ARFGEF3: variants seen among roughly 807,000 people sequenced by gnomAD.
ARFGEF3 encodes ARFGEF family member 3.
Under a neutral mutation model 221.7 loss-of-function variants are expected in ARFGEF3, and 96 were observed. The observed-to-expected ratio is 0.43, with a 90% CI of 0.37 to 0.51. ARFGEF3 has a LOEUF of 0.51. Among genes scored for constraint, ARFGEF3 ranks in the 20% least tolerant of loss-of-function variants. The pLI, the probability that ARFGEF3 is intolerant of heterozygous loss-of-function variation, is 0.00. For synonymous variants in ARFGEF3, 1,145 were observed against 1,126.8 expected, an observed-to-expected ratio of 1.02 and a Z score of -0.32; for missense variants, 2,410 against 2,789.9, an observed-to-expected ratio of 0.86 and a Z score of 3.07.
chr6:138,275,715 G>T (rs1779083884), intron 12 of ARFGEF3, among the ~76,000 whole-genome samples: 1 of 150,190 alleles, frequency 6.7e-6, no homozygotes, highest in Non-Finnish European at 1.5e-5. Context: ...CTGCACTCCA[G>T]CCTGGGTGAC....
chr6:138,201,181 G>A (rs1308394692), intron 2 of ARFGEF3, among the ~76,000 whole-genome samples: 1 of 152,146 alleles, frequency 6.6e-6, no homozygotes, highest in Non-Finnish European at 1.5e-5. Context: ...GATGTTTTTT[G>A]TGGATGTGGT....
chr6:138,270,167 AT>A (rs1451139274), intron 12 of ARFGEF3, among the ~76,000 whole-genome samples: 2 of 152,186 alleles, frequency 1.3e-5, no homozygotes, highest in Non-Finnish European at 2.9e-5. Context: ...GACAGGGCAC[AT>A]TGCAAGCCCA....
intron 12 of ARFGEF3, among the ~76,000 whole-genome samples, chr6:138,265,753 A>T (rs1778880273): frequency 6.6e-6 from 1 of 152,264 alleles, no homozygotes; most frequent in African/African-American, 2.4e-5. Flanking sequence ...TATTCTCAAT[A>T]AATATTTATT....
chr6:138,231,360 G>C (rs1778188053), intron 5 of ARFGEF3, among the ~76,000 whole-genome samples: 2 of 152,058 alleles, frequency 1.3e-5, no homozygotes, highest in South Asian at 4.2e-4. Flanking sequence ...TAATGATAAA[G>C]GCATTTGAGC....
At chr6:138,321,264 T>A in intron 29 of ARFGEF3, 39 bp downstream of exon 29, 1 of 1,128,726 alleles carries the variant, frequency 8.9e-7, no homozygotes, top group Non-Finnish European at 1.3e-6. Context: ...AAAGCTGGAG[T>A]TTTTATTTAA....
chr6:138,287,054 ATTGTGTGTCTCC>A lies in ARFGEF3; in HGVS notation c.2786-18_2786-7del, dbSNP rs775544278. 6.4e-7 allele frequency: 1 copy of A among 1,563,024 alleles called. No homozygotes were observed. Among genetic ancestry groups the A allele is most frequent in the Non-Finnish European group, 8.7e-7 (1 of 1,152,978 alleles). On this transcript the variant is annotated splice_region_variant and splice_polypyrimidine_tract_variant and intron_variant, in intron 16 of 33. Coordinates refer to ENST00000251691, the MANE Select transcript of ARFGEF3 (RefSeq NM_020340.5). ...AGAGGATATACTCAGTCAAGAAGTC[ATTGTGTGTCTCC>A]TCTGAAGGCGTTGCTGCTAACTGCG...
rs75022173 is a variant in ARFGEF3 at position 138,280,551 on chromosome 6, T to G, written c.2461+387T>G. On this transcript the variant is annotated intron_variant, in intron 14 of 33. Transcript: ENST00000251691. ...TTACCAATAAATGTAAAATGACTGA[T>G]TTTAAAGTTGGCTTCCTGGCCAAGT... Among the ~76,000 whole-genome samples the G allele has an allele frequency of 4.0e-3, 612 of 152,324 alleles. 8 individuals are homozygous for G. Among genetic ancestry groups the G allele is most frequent in the African/African-American group, 0.014 (582 of 41,568 alleles).
In ARFGEF3 at chr6:138,263,337, A is replaced by C; in HGVS notation, c.1854A>C (p.Ala618=). 6.2e-7 allele frequency: 1 copy of C among 1,614,044 alleles called. No individual in the cohort carries two copies. Among genetic ancestry groups the C allele is most frequent in the Non-Finnish European group, 8.5e-7 (1 of 1,179,900 alleles). ...FDSCDQYSMA[A]EKDSGRSDVS... ...CCTGTGATCAGTACTCTATGGCAGCAGAAAAGGACTCGGGCAGGTCCGACG... is the reference window on the plus strand; with the variant it reads ...CCTGTGATCAGTACTCTATGGCAGCCGAAAAGGACTCGGGCAGGTCCGACG... Residue 618 remains alanine (A), a synonymous_variant, in exon 12 of 34, where the codon GCA becomes GCC. Transcript: ENST00000251691.
chr6:138,288,553 G>C (rs777885290), intron 17 of ARFGEF3, among the ~76,000 whole-genome samples: 7 of 152,080 alleles, frequency 4.6e-5, no homozygotes, highest in Non-Finnish European at 8.8e-5. Flanking sequence ...GCTGGGCGTG[G>C]TGGTGGGTGC....
intron 28 of ARFGEF3, among the ~76,000 whole-genome samples, chr6:138,320,107 T>C (rs962761043): frequency 3.3e-5 from 5 of 152,122 alleles, no homozygotes; most frequent in Non-Finnish European, 7.4e-5. Flanking sequence ...GCTCAAAATA[T>C]ATGTGTGGTA....
At chr6:138,194,672 A>C (rs892003186) in intron 2 of ARFGEF3, among the ~76,000 whole-genome samples, 5 of 152,230 alleles carry the variant, frequency 3.3e-5, no homozygotes, top group Non-Finnish European at 5.9e-5. Flanking sequence ...ACTGTATTTT[A>C]GGATCACAAG....
At chr6:138,249,992 C>T (rs1002040139) in intron 8 of ARFGEF3, among the ~76,000 whole-genome samples, 1 of 152,184 alleles carries the variant, frequency 6.6e-6, no homozygotes, top group Non-Finnish European at 1.5e-5. Context: ...ATTCTCCTTG[C>T]TAAGTTTTTA....
chr6:138,258,685 G>A (rs1050769075), intron 10 of ARFGEF3, among the ~76,000 whole-genome samples: 4 of 152,196 alleles, frequency 2.6e-5, no homozygotes, highest in Non-Finnish European at 5.9e-5. Context: ...GCTTCTGTAT[G>A]TTTTCCCCTA....
At chr6:138,232,534 GT>G (rs1174007123) in intron 5 of ARFGEF3, among the ~76,000 whole-genome samples, 1 of 152,148 alleles carries the variant, frequency 6.6e-6, no homozygotes, top group Admixed American at 6.5e-5. Flanking sequence ...TCATAAATGA[GT>G]GTTTGCTGGT....
chr6:138,282,410 C>T (rs1259821348), intron 14 of ARFGEF3, among the ~76,000 whole-genome samples: 2 of 152,218 alleles, frequency 1.3e-5, no homozygotes, highest in African/African-American at 2.4e-5. Context: ...GCAAGACAGT[C>T]CAACTGGGGC....
chr6:138,266,054 A>G (rs531331357), intron 12 of ARFGEF3, among the ~76,000 whole-genome samples: 5 of 152,178 alleles, frequency 3.3e-5, no homozygotes, highest in African/African-American at 1.2e-4. Context: ...TTTCTCTACA[A>G]AAAATACAAA....
intron 1 of ARFGEF3, among the ~76,000 whole-genome samples, chr6:138,163,578 A>G (rs1339199471): frequency 1.3e-5 from 2 of 152,210 alleles, no homozygotes; most frequent in African/African-American, 4.8e-5. Flanking sequence ...AATTAAGCAG[A>G]TTTAGATAAA....
intron 8 of ARFGEF3, among the ~76,000 whole-genome samples, chr6:138,245,901 T>C (rs1027186685): frequency 2.6e-5 from 4 of 152,148 alleles, no homozygotes; most frequent in Non-Finnish European, 4.4e-5. Flanking sequence ...TGCTGGTTGG[T>C]ATGAGAGCCA....
At chr6:138,327,470 A>G (rs922817978) in intron 31 of ARFGEF3, among the ~76,000 whole-genome samples, 1 of 152,126 alleles carries the variant, frequency 6.6e-6, no homozygotes, top group African/African-American at 2.4e-5. Context: ...ATATTCTAAT[A>G]TTTCCAGAGG....
Sources: gnomAD v4.1 joint callset for allele counts (sites outside exome capture counted in the v4.1 genomes callset) on GRCh38, gnomAD v4.1.1 for gene constraint, MANE v1.5 for transcripts, NCBI Gene and HGNC (gene_info 2026-07-23, HGNC 2026-07-21) for gene names.